The following ZNF804A variants were observed in gnomAD, a reference collection of about 807,000 sequenced individuals.
ZNF804A encodes zinc finger protein 804A.
In ZNF804A, 2 loss-of-function variants were observed where a neutral mutation model predicts 16.5. The ratio of observed to expected loss-of-function variants is 0.12; its 90% CI spans 0.05 to 0.38. The LOEUF is 0.38. Among genes scored for constraint, ZNF804A ranks in the 10% least tolerant of loss-of-function variants. The pLI is 0.99. For missense variants in ZNF804A, 1,473 were observed against 1,390.7 expected (o/e 1.06, Z -0.94); for synonymous variants, 534 against 489.6 (o/e 1.09, Z -1.20).
chr2:184,789,189 A>C (rs1475901791), intron 1 of ZNF804A, among the ~76,000 whole-genome samples: 1 of 151,992 alleles, frequency 6.6e-6, no homozygotes, highest in African/African-American at 2.4e-5. Context: ...GAATAAGCCC[A>C]CTTGATCATG....
chr2:184,628,085 C>T (rs1001377658), intron 1 of ZNF804A, among the ~76,000 whole-genome samples: 3 of 152,078 alleles, frequency 2.0e-5, no homozygotes, highest in Admixed American at 6.6e-5. Flanking sequence ...GAGGCCGAGG[C>T]GGGCGGATCA....
At position 184,936,874 on chromosome 2, in the gene ZNF804A, G is replaced by C. The variant is rs775323951; in HGVS notation, c.1478G>C (p.Cys493Ser). 8 of 1,613,486 alleles carry C rather than the reference G, an allele frequency of 5.0e-6. No individual in the cohort carries two copies. The East Asian group carries it at 1.6e-4, about 31-fold the overall frequency. The change falls in exon 4 of 4, where the codon TGC (cysteine) becomes TCC (serine). Residue 493 changes from cysteine (C) to serine (S), a missense_variant. Coordinates refer to ENST00000302277, the MANE Select transcript of ZNF804A (RefSeq NM_194250.2). ...LCSQQKQEDI[C>S]MGPLSDYKDV... ...TCTCAGCAGAAGCAGGAAGACATTTGCATGGGACCACTTTCAGATTACAAG... is the reference window on the plus strand; with the variant it reads ...TCTCAGCAGAAGCAGGAAGACATTTCCATGGGACCACTTTCAGATTACAAG...
intron 1 of ZNF804A, among the ~76,000 whole-genome samples, chr2:184,655,185 A>G (rs753529613): frequency 2.6e-5 from 4 of 152,242 alleles, no homozygotes; most frequent in Non-Finnish European, 4.4e-5. Context: ...TTTTCTAAGT[A>G]GAGCATAAAC....
At chr2:184,886,249 G>C (rs928175443) in intron 2 of ZNF804A, among the ~76,000 whole-genome samples, 6 of 152,156 alleles carry the variant, frequency 3.9e-5, no homozygotes, top group Admixed American at 2.6e-4. Flanking sequence ...GATCTCCTTT[G>C]ACTCCAGGTC....
At chr2:184,640,076 A>G (rs1171446331) in intron 1 of ZNF804A, among the ~76,000 whole-genome samples, 1 of 152,044 alleles carries the variant, frequency 6.6e-6, no homozygotes, top group Non-Finnish European at 1.5e-5. Flanking sequence ...ACACATATAA[A>G]TCTAGCCTTG....
At chr2:184,829,993 A>G (rs1185885804) in intron 1 of ZNF804A, among the ~76,000 whole-genome samples, 4 of 149,888 alleles carry the variant, frequency 2.7e-5, no homozygotes, top group Non-Finnish European at 5.9e-5. Context: ...TGTGGTCCCA[A>G]CTACTGGGGA....
intron 1 of ZNF804A, among the ~76,000 whole-genome samples, chr2:184,672,246 G>T (rs894052331): frequency 6.6e-6 from 1 of 152,094 alleles, no homozygotes; most frequent in Non-Finnish European, 1.5e-5. Flanking sequence ...ATGCTCTATG[G>T]TCCTAACAGT....
chr2:184,649,222 C>T (rs538034745), intron 1 of ZNF804A, among the ~76,000 whole-genome samples: 2 of 151,920 alleles, frequency 1.3e-5, no homozygotes, highest in Non-Finnish European at 2.9e-5. Flanking sequence ...TTAAAAAAAT[C>T]TTTGAATAAA....
intron 2 of ZNF804A, among the ~76,000 whole-genome samples, chr2:184,894,454 T>C (rs1156701205): frequency 1.3e-5 from 2 of 152,126 alleles, no homozygotes; most frequent in Admixed American, 1.3e-4. Context: ...TTTATTAACG[T>C]ATTTTTATTG....
rs570330916 is a variant in ZNF804A at position 184,906,684 on chromosome 2, A to C, written c.256-26919A>C. ...GGCCATCAAGATTACCAGTACCCCT[A>C]ATGTATACACCTCATCAATCAGACA... On this transcript the variant is annotated intron_variant, in intron 2 of 3. Coordinates refer to ENST00000302277, the MANE Select transcript of ZNF804A (RefSeq NM_194250.2). Among the ~76,000 whole-genome samples, 6 of 152,194 alleles carry C rather than the reference A, an allele frequency of 3.9e-5. No individual in the cohort carries two copies. The South Asian group carries it at 8.3e-4, about 21-fold the overall frequency.
chr2:184,738,828 G>A (rs1693672285), intron 1 of ZNF804A, among the ~76,000 whole-genome samples: 1 of 152,184 alleles, frequency 6.6e-6, no homozygotes, highest in Non-Finnish European at 1.5e-5. Context: ...ATATAAAAGA[G>A]GAAGTTGAGC....
intron 2 of ZNF804A, among the ~76,000 whole-genome samples, chr2:184,878,785 T>A (rs896307335): frequency 1.3e-5 from 2 of 152,078 alleles, no homozygotes; most frequent in Non-Finnish European, 2.9e-5. Flanking sequence ...TTACATATTT[T>A]ACCAATGAGC....
chr2:184,901,359 G>T (rs897295760), intron 2 of ZNF804A, among the ~76,000 whole-genome samples: 2 of 152,110 alleles, frequency 1.3e-5, no homozygotes, highest in African/African-American at 4.8e-5. Context: ...GAAGGAAAGA[G>T]AATTGAAAGA....
chr2:184,867,201 T>C (rs1313951788), intron 2 of ZNF804A, among the ~76,000 whole-genome samples: 1 of 152,094 alleles, frequency 6.6e-6, no homozygotes. Context: ...CAAATTCCAC[T>C]TTCTAATATG....
chr2:184,788,736 A>T (rs1036731707), intron 1 of ZNF804A, among the ~76,000 whole-genome samples: 10 of 151,972 alleles, frequency 6.6e-5, no homozygotes, highest in African/African-American at 2.4e-4. Flanking sequence ...TCTTTAGAGT[A>T]GTCTTTAGAG....
chr2:184,663,577 G>A (rs1045324037), intron 1 of ZNF804A, among the ~76,000 whole-genome samples: 1 of 152,108 alleles, frequency 6.6e-6, no homozygotes, highest in African/African-American at 2.4e-5. Context: ...TGGGTTCCTG[G>A]TGAAGCCCCA....
intron 1 of ZNF804A, among the ~76,000 whole-genome samples, chr2:184,800,507 T>A (rs1324907422): frequency 2.0e-5 from 3 of 151,738 alleles, no homozygotes; most frequent in Non-Finnish European, 4.4e-5. Flanking sequence ...AAAATATTTT[T>A]AAAATATCTC....
At position 184,939,160 on chromosome 2, in the gene ZNF804A, T is replaced by C; in HGVS notation, c.*134T>C. ...GATACATGGCGTCATTGGTTTGAAA[T>C]CATTTACTGTAAGTGCAATGATGCA... On this transcript the variant is annotated 3_prime_UTR_variant, in exon 4 of 4. Coordinates refer to ENST00000302277, the MANE Select transcript of ZNF804A (RefSeq NM_194250.2). The C allele has an allele frequency of 9.0e-7, 1 of 1,109,720 alleles. No homozygotes were observed. Among genetic ancestry groups the C allele is most frequent in the Non-Finnish European group, 1.3e-6 (1 of 779,540 alleles). 68.7% of individuals were successfully genotyped at this position (1,109,720 alleles called of 1,614,324 possible). A position where few individuals can be genotyped will look rare whatever the true frequency, so the allele number is the denominator to read the frequency against.
intron 2 of ZNF804A, among the ~76,000 whole-genome samples, chr2:184,869,040 T>C (rs376510928): frequency 7.1e-4 from 108 of 152,160 alleles, no homozygotes; most frequent in African/African-American, 2.5e-3. Flanking sequence ...AAATGCATGA[T>C]GTTCAAAGGA....
Sources: gnomAD v4.1 joint callset for allele counts (sites outside exome capture counted in the v4.1 genomes callset) on GRCh38, gnomAD v4.1.1 for gene constraint, MANE v1.5 for transcripts, NCBI Gene and HGNC (gene_info 2026-07-23, HGNC 2026-07-21) for gene names.